HDAC11: variants seen among roughly 807,000 people sequenced by gnomAD.
HDAC11 encodes the protein histone deacetylase 11.
In HDAC11, 23 loss-of-function variants were observed where a neutral mutation model predicts 41.1. The ratio of observed to expected loss-of-function variants is 0.56; its 90% CI spans 0.40 to 0.79. The LOEUF (loss-of-function observed/expected upper bound fraction) is 0.79, where lower values mean the gene tolerates loss of function less well. Among genes scored for constraint, HDAC11 ranks in the 30% least tolerant of loss-of-function variants. The probability of loss-of-function intolerance (pLI) is 0.00; values close to 1 mark genes in which losing one functional copy is unlikely to be tolerated. For missense variants in HDAC11, 402 were observed against 477.3 expected, an observed-to-expected ratio of 0.84 and a Z score of 1.47; for synonymous variants, 187 against 186.6, an observed-to-expected ratio of 1.00 and a Z score of -0.02.
At chr3:13,498,976 T>C (rs564887195) in intron 5 of HDAC11, among the ~76,000 whole-genome samples, 1 of 152,108 alleles carries the variant, frequency 6.6e-6, no homozygotes, top group Admixed American at 6.5e-5. Flanking sequence ...CTTGGTCATG[T>C]TGGGTTGGGT....
chr3:13,487,859 A>G (rs1310947790), intron 3 of HDAC11, among the ~76,000 whole-genome samples: 2 of 151,964 alleles, frequency 1.3e-5, no homozygotes, highest in African/African-American at 4.8e-5. Flanking sequence ...TAATGAGATA[A>G]TATGTTAGAT....
rs1574915682 is a variant in HDAC11 at position 13,502,998 on chromosome 3, C to CCCT, written c.649+20_649+22dup. On this transcript the variant is annotated intron_variant, in intron 8 of 9. Coordinates refer to ENST00000295757, the MANE Select transcript of HDAC11 (RefSeq NM_024827.4). The surrounding 1 kb of genome is among the most constrained non-coding windows in gnomAD (Gnocchi z 4.1). ...TGCCAAGCGTAAGCTGCTGCCCCTA[C>CCCT]CCTCATCTTGGGTGTGTCCTTGTGG... is the stretch of plus-strand genomic sequence containing the variant. The CCCT allele has an allele frequency of 6.3e-7, 1 of 1,591,190 alleles. No homozygotes were observed.
chr3:13,495,172 C>A (rs1301821365), intron 3 of HDAC11, among the ~76,000 whole-genome samples: 2 of 152,134 alleles, frequency 1.3e-5, no homozygotes, highest in Non-Finnish European at 2.9e-5. Context: ...GAGCACTGCA[C>A]CTTAGGTCTT....
At chr3:13,490,064 G>T (rs2125003666) in intron 3 of HDAC11, among the ~76,000 whole-genome samples, 1 of 152,014 alleles carries the variant, frequency 6.6e-6, no homozygotes, top group Non-Finnish European at 1.5e-5. Context: ...CGCGATCTCG[G>T]CTCACTGCAA....
chr3:13,503,591 A>G (rs1702473393), intron 8 of HDAC11, among the ~76,000 whole-genome samples: 1 of 152,240 alleles, frequency 6.6e-6, no homozygotes, highest in Admixed American at 6.5e-5. Flanking sequence ...TTCATGTATA[A>G]TCGTTAAAAT....
In HDAC11 at chr3:13,480,446, G is replaced by C; in HGVS notation, c.2+97G>C. ...CGGGGACGGCCGGGCGGGCGCGCCA[G>C]GTAAGGGCCCAGATTTGCTGGTGAG... On this transcript the variant is annotated intron_variant, in intron 1 of 9. Transcript: ENST00000295757. The surrounding 1 kb of genome is among the most constrained non-coding windows in gnomAD (Gnocchi z 4.6). 4.0e-6 allele frequency: 3 copies of C among 751,058 alleles called. No homozygotes were observed. The highest frequency in any genetic ancestry group is 3.6e-6 in the Non-Finnish European group (2 of 562,910). 46.5% of individuals were successfully genotyped at this position (751,058 alleles called of 1,614,324 possible). A position where few individuals can be genotyped will look rare whatever the true frequency, so the allele number is the denominator to read the frequency against.
Position 13,483,618 on chromosome 3 carries a change from C to T in HDAC11, c.252+54C>T. ...GGGCCTGGGGCAGGGGGCTGCTGGC[C>T]AGGAGTGGCCAGAGGCAGGAGGTGA... On this transcript the variant is annotated intron_variant, in intron 3 of 9. Transcript: ENST00000295757. 3 of 1,426,424 alleles carry T rather than the reference C, an allele frequency of 2.1e-6. No individual in the cohort carries two copies. The South Asian group carries it at 3.4e-5, about 16-fold the overall frequency. The allele number at this position is 1,426,424 out of a possible 1,614,324, so 88.4% of individuals were successfully genotyped here. A position where few individuals can be genotyped will look rare whatever the true frequency, so the allele number is the denominator to read the frequency against.
chr3:13,502,911 G>A lies in HDAC11; in HGVS notation c.580G>A (p.Asp194Asn), dbSNP rs1333622794. 1 of 1,613,566 alleles carries A rather than the reference G, an allele frequency of 6.2e-7. No homozygotes were observed. The highest frequency in any genetic ancestry group is 1.7e-5 in the Admixed American group (1 of 60,024). ...CAATGGGCATGAGCGAGACTTCATG[G>A]ACGACAAGCGTGTGTACATCATGGA... ...QGNGHERDFM[D>N]DKRVYIMDVY... Residue 194 changes from aspartate (D) to asparagine (N), a missense_variant, in exon 8 of 10, where the codon GAC (aspartate) becomes AAC (asparagine). Asp to Asn is a conservative substitution (Grantham distance 23). Transcript: ENST00000295757. This position sits in a 1 kb window ranked among gnomAD's most constrained non-coding sequence, Gnocchi z 4.1.
chr3:13,493,722 G>A (rs554900285), intron 3 of HDAC11, among the ~76,000 whole-genome samples: 11 of 152,306 alleles, frequency 7.2e-5, no homozygotes, highest in East Asian at 1.9e-4. Context: ...CTGCTGCTCC[G>A]CTGAGGGGCT....
intron 3 of HDAC11, 93 bp from the exon 4 acceptor site, chr3:13,496,643 A>G: frequency 1.3e-6 from 1 of 756,544 alleles, no homozygotes; most frequent in Non-Finnish European, 2.2e-6. Flanking sequence ...GCACCTGGAA[A>G]CTGTCCTCAA....
At chr3:13,495,015 T>C (rs1242887279) in intron 3 of HDAC11, among the ~76,000 whole-genome samples, 6 of 152,082 alleles carry the variant, frequency 3.9e-5, no homozygotes, top group Admixed American at 3.3e-4. Context: ...TCATTGAACA[T>C]GCTCGTGTTT....
chr3:13,484,150 G>T (rs1194866207), intron 3 of HDAC11, among the ~76,000 whole-genome samples: 2 of 152,128 alleles, frequency 1.3e-5, no homozygotes, highest in Non-Finnish European at 2.9e-5. Flanking sequence ...TTTTAGTAGA[G>T]ATGTGGTTTC....
chr3:13,484,107 G>A (rs866640132), intron 3 of HDAC11, among the ~76,000 whole-genome samples: 29 of 152,156 alleles, frequency 1.9e-4, no homozygotes, highest in African/African-American at 5.8e-4. Context: ...GATTACAGGC[G>A]CGTGCCACCA....
chr3:13,498,602 A>G, intron 5 of HDAC11, 47 bp downstream of exon 5: 2 of 1,595,400 alleles, frequency 1.3e-6, no homozygotes, highest in Non-Finnish European at 1.7e-6. Context: ...GGCTTGGTGG[A>G]ACTGGCCTGA....
In HDAC11 at chr3:13,481,052, G is replaced by A. The variant is rs563240263; in HGVS notation, c.3-194G>A. The A allele has an allele frequency of 5.0e-6, 3 of 605,552 alleles. No homozygotes were observed. The South Asian group carries it at 5.9e-5, about 12-fold the overall frequency. 37.5% of individuals were successfully genotyped at this position (605,552 alleles called of 1,614,324 possible). On this transcript the variant is annotated intron_variant, in intron 1 of 9. Coordinates refer to ENST00000295757, the MANE Select transcript of HDAC11 (RefSeq NM_024827.4). The stretch of plus-strand genomic sequence containing the variant: ...TGTGGTGCCTACCCCCAGGGCTGCT[G>A]TGAGGACTGGATTGGAATTGGGTTC...
rs140143920 is a variant in HDAC11, at chr3:13,501,832, C to T, written c.490-39C>T. ...TTGCTGTAGGGCTGGGTCCTCTGTC[C>T]GCCCCAGATCCTCATGTCTACCCTC... On this transcript the variant is annotated intron_variant, in intron 6 of 9. Transcript: ENST00000295757. The T allele has an allele frequency of 1.4e-4, 230 of 1,594,890 alleles. No individual in the cohort carries two copies. In the African/African-American group the frequency reaches 2.0e-3, roughly 14 times the overall value.
In HDAC11 at chr3:13,494,517, G is replaced by A. The variant is rs578040944; in HGVS notation, c.253-2219G>A. Among the ~76,000 whole-genome samples the A allele has an allele frequency of 2.6e-5, 4 of 152,358 alleles. 1 individual carries two copies. The highest frequency in any genetic ancestry group is 9.6e-5 in the African/African-American group (4 of 41,572). On this transcript the variant is annotated intron_variant, in intron 3 of 9. Coordinates refer to ENST00000295757, the MANE Select transcript of HDAC11 (RefSeq NM_024827.4). ...TACACACACATACATACACTCATGG[G>A]TGTGTCCTGCAGCTGTCTGGCTGTG...
In HDAC11 at chr3:13,498,603, A is replaced by T. The variant is rs774716170; in HGVS notation, c.412+48A>T. ...GGAATGTCCAGCCCGGCTTGGTGGA[A>T]CTGGCCTGAAAGGGGGCTGGGGGAG... On this transcript the variant is annotated intron_variant, in intron 5 of 9. Transcript: ENST00000295757. The T allele has an allele frequency of 2.0e-6, 3 of 1,533,786 alleles. No homozygotes were observed. The Admixed American group carries it at 5.1e-5, about 26-fold the overall frequency.
chr3:13,497,299 C>G (rs1313633191), intron 4 of HDAC11, among the ~76,000 whole-genome samples: 1 of 152,046 alleles, frequency 6.6e-6, no homozygotes, highest in Non-Finnish European at 1.5e-5. Context: ...TTGCCTCAGG[C>G]TCCTGAGTAG....
Sources: gnomAD v4.1 joint callset for allele counts (sites outside exome capture counted in the v4.1 genomes callset) on GRCh38, gnomAD v4.1.1 for gene constraint, Gnocchi (gnomAD v3.1) non-coding constraint, MANE v1.5 for transcripts, NCBI Gene and HGNC (gene_info 2026-07-23, HGNC 2026-07-21) for gene names.